Variants in CDH13 observed in about 807,000 individuals in gnomAD.
CDH13 encodes the protein cadherin-13.
Under a neutral mutation model 63.8 loss-of-function variants are expected in CDH13, and 24 were observed. The observed-to-expected ratio is 0.38, with a 90% CI of 0.27 to 0.53. The LOEUF is 0.53. Ranked by LOEUF, CDH13 falls within the 20% of genes least tolerant of loss-of-function variation. The pLI, the probability that CDH13 is intolerant of heterozygous loss-of-function variation, is 0.85. For synonymous variants in CDH13, 503 were observed against 355.3 expected (o/e 1.42, Z -4.67); for missense variants, 1,049 against 903.1 (o/e 1.16, Z -2.07).
intron 1 of CDH13, among the ~76,000 whole-genome samples, chr16:82,681,131 T>C (rs1456258473): frequency 6.6e-6 from 1 of 152,196 alleles, no homozygotes; most frequent in Non-Finnish European, 1.5e-5. Flanking sequence ...CTCTGGTGTC[T>C]GAAAGATTAA....
intron 6 of CDH13, among the ~76,000 whole-genome samples, chr16:83,413,522 GT>G (rs1555545214): frequency 6.6e-6 from 1 of 152,172 alleles, no homozygotes; most frequent in Non-Finnish European, 1.5e-5. Flanking sequence ...ATGCGGTAAT[GT>G]TCCCCAACTA....
chr16:83,142,491 C>T (rs1056172578), intron 4 of CDH13, among the ~76,000 whole-genome samples: 7 of 152,146 alleles, frequency 4.6e-5, no homozygotes, highest in Admixed American at 1.3e-4. Context: ...GCCTCCTACT[C>T]ATCCCTTGGG....
At chr16:83,185,794 A>G (rs1015944726) in intron 4 of CDH13, among the ~76,000 whole-genome samples, 1 of 152,236 alleles carries the variant, frequency 6.6e-6, no homozygotes, top group African/African-American at 2.4e-5. Flanking sequence ...GTGACAACTT[A>G]CAACAGCTCA....
chr16:83,614,624 G>C (rs1485281049), intron 8 of CDH13, among the ~76,000 whole-genome samples: 2 of 152,122 alleles, frequency 1.3e-5, no homozygotes, highest in African/African-American at 4.8e-5. Context: ...TCAAATAAGT[G>C]GGGGGTTTTA....
intron 7 of CDH13, among the ~76,000 whole-genome samples, chr16:83,549,898 A>G (rs2075458968): frequency 6.6e-6 from 1 of 152,170 alleles, no homozygotes; most frequent in South Asian, 2.1e-4. Flanking sequence ...AGAGAGGGGA[A>G]GACTCTGACG....
chr16:83,321,222 A>G (rs1211300291), intron 5 of CDH13, among the ~76,000 whole-genome samples: 1 of 152,226 alleles, frequency 6.6e-6, no homozygotes, highest in African/African-American at 2.4e-5. Flanking sequence ...TAACGTGCTA[A>G]TTCAGGTCAG....
At chr16:83,528,006 G>A (rs898701740) in intron 7 of CDH13, among the ~76,000 whole-genome samples, 15 of 152,260 alleles carry the variant, frequency 9.9e-5, no homozygotes, top group Non-Finnish European at 2.1e-4. Context: ...GGAGTTTATC[G>A]GGAAGGCCAG....
At chr16:83,071,591 C>G (rs2032442415) in intron 3 of CDH13, among the ~76,000 whole-genome samples, 1 of 152,206 alleles carries the variant, frequency 6.6e-6, no homozygotes, top group South Asian at 2.1e-4. Context: ...GCTGTGGTCG[C>G]TTCCCCTGTG....
chr16:83,208,470 GT>G (rs35549606), intron 4 of CDH13, among the ~76,000 whole-genome samples: 1,606 of 147,324 alleles, frequency 0.011, 24 homozygotes, highest in African/African-American at 0.03. Flanking sequence ...AGGCAACAGT[GT>G]TTTTTTTTTT....
At chr16:83,322,174 C>T (rs1489213881) in intron 5 of CDH13, among the ~76,000 whole-genome samples, 1 of 152,190 alleles carries the variant, frequency 6.6e-6, no homozygotes, top group Admixed American at 6.5e-5. Flanking sequence ...GAAACTGAGG[C>T]CTCCAGCTAC....
At chr16:82,910,550 C>G (rs553164842) in intron 2 of CDH13, among the ~76,000 whole-genome samples, 33 of 152,080 alleles carry the variant, frequency 2.2e-4, no homozygotes, top group Non-Finnish European at 4.6e-4. Flanking sequence ...CTTGCCCAAG[C>G]CTCTGGTGTT....
chr16:83,138,541 G>A (rs951119724), intron 4 of CDH13, among the ~76,000 whole-genome samples: 2 of 152,108 alleles, frequency 1.3e-5, no homozygotes, highest in African/African-American at 4.8e-5. Context: ...TGTCCAGAGA[G>A]GTGAGAATAA....
At chr16:82,840,195 G>A (rs1443377234) in intron 1 of CDH13, among the ~76,000 whole-genome samples, 1 of 152,062 alleles carries the variant, frequency 6.6e-6, no homozygotes, top group African/African-American at 2.4e-5. Flanking sequence ...CACCGATTTT[G>A]TTTGCTTTTA....
intron 5 of CDH13, among the ~76,000 whole-genome samples, chr16:83,275,044 T>A (rs1459650048): frequency 6.6e-6 from 1 of 152,208 alleles, no homozygotes; most frequent in Non-Finnish European, 1.5e-5. Context: ...AGAACTTGTC[T>A]GTCACTTCCC....
intron 4 of CDH13, among the ~76,000 whole-genome samples, chr16:83,143,115 A>G (rs1303245180): frequency 6.6e-6 from 1 of 152,194 alleles, no homozygotes; most frequent in Non-Finnish European, 1.5e-5. Context: ...AAAAAATAAA[A>G]AAGAGTTAAG....
At chr16:83,076,116 A>T (rs1056694886) in intron 3 of CDH13, among the ~76,000 whole-genome samples, 2 of 152,196 alleles carry the variant, frequency 1.3e-5, no homozygotes, top group Non-Finnish European at 2.9e-5. Flanking sequence ...AGGAAAAAAA[A>T]GTAAATGAGC....
At chr16:83,417,229 C>A (rs1469918045) in intron 6 of CDH13, among the ~76,000 whole-genome samples, 1 of 152,186 alleles carries the variant, frequency 6.6e-6, no homozygotes, top group Non-Finnish European at 1.5e-5. Flanking sequence ...ACACTTTTGA[C>A]CTGGGCTTCC....
At chr16:82,890,517 A>T (rs563676537) in intron 2 of CDH13, among the ~76,000 whole-genome samples, 1 of 152,342 alleles carries the variant, frequency 6.6e-6, no homozygotes, top group African/African-American at 2.4e-5. Context: ...TCATCAACAG[A>T]TGAAATTATT....
intron 5 of CDH13, among the ~76,000 whole-genome samples, chr16:83,270,990 C>A (rs1382172821): frequency 6.7e-6 from 1 of 150,126 alleles, no homozygotes; most frequent in African/African-American, 2.5e-5. Context: ...TTCTTTTCTC[C>A]CTCTCTCATT....
Sources: allele counts gnomAD v4.1 joint callset (sites outside exome capture counted in the v4.1 genomes callset), GRCh38; gene constraint gnomAD v4.1.1; transcripts MANE v1.5; gene names NCBI Gene and HGNC (gene_info 2026-07-23, HGNC 2026-07-21).